Variants in UNC13C observed in about 807,000 individuals in gnomAD.
The protein encoded by UNC13C is protein unc-13 homolog C.
UNC13C carries 174 observed loss-of-function variants against 245.4 expected under a neutral mutation model. That is an observed-to-expected ratio of 0.71 (90% CI 0.63 to 0.80). The LOEUF is 0.80. UNC13C is among the 30% of genes least tolerant of loss of function. The probability of loss-of-function intolerance (pLI) is 0.00; values close to 1 mark genes in which losing one functional copy is unlikely to be tolerated. For missense variants in UNC13C, 2,829 were observed against 2,602.9 expected (o/e 1.09, Z -1.89); for synonymous variants, 992 against 895.1 (o/e 1.11, Z -1.93).
At chr15:54,475,359 A>G (rs932034289) in intron 19 of UNC13C, among the ~76,000 whole-genome samples, 2 of 151,132 alleles carry the variant, frequency 1.3e-5, no homozygotes, top group Admixed American at 6.6e-5. Context: ...CACAATGTGC[A>G]GGTTAGTTAC....
chr15:54,626,841 G>GA lies in UNC13C; in HGVS notation c.6377dup (p.Asn2126LysfsTer7), dbSNP rs1566947687. On this transcript the variant is annotated frameshift_variant, in exon 33 of 33. Transcript: ENST00000260323. LOFTEE classifies it high-confidence loss of function. ...TAATCCACACAGCATTCTCGGAAAG[G>GA]AAAATCGACCAGGGGCTTATGAACT... 1 of 1,611,228 alleles carries GA rather than the reference G, an allele frequency of 6.2e-7. No individual in the cohort carries two copies. The highest frequency in any genetic ancestry group is 1.7e-5 in the Admixed American group (1 of 59,688).
chr15:54,233,268 C>T (rs1334570636), intron 4 of UNC13C, among the ~76,000 whole-genome samples: 1 of 152,022 alleles, frequency 6.6e-6, no homozygotes, highest in East Asian at 1.9e-4. Flanking sequence ...TTTTAAATGT[C>T]ACCTTTCTCC....
At chr15:53,938,349 A>G in the UNC13C span, among the ~76,000 whole-genome samples, 50 of 152,364 alleles carry the variant, frequency 3.3e-4, no homozygotes, top group African/African-American at 1.2e-3. Flanking sequence ...TATGCACCCA[A>G]TACTGGAGCA....
chr15:54,527,026 T>C (rs1895500333), intron 25 of UNC13C, among the ~76,000 whole-genome samples: 1 of 152,184 alleles, frequency 6.6e-6, no homozygotes, highest in Non-Finnish European at 1.5e-5. Context: ...CTTGTCTTCA[T>C]GGAACTCACC....
chr15:54,057,066 A>C (rs1257114546), intron 2 of UNC13C, among the ~76,000 whole-genome samples: 3 of 152,262 alleles, frequency 2.0e-5, no homozygotes, highest in South Asian at 4.1e-4. Flanking sequence ...TGAGCAAAAT[A>C]ACCAGCTAAC....
At chr15:53,862,784 G>A in the UNC13C span, among the ~76,000 whole-genome samples, 4 of 152,016 alleles carry the variant, frequency 2.6e-5, no homozygotes, top group African/African-American at 9.7e-5. Flanking sequence ...AAACCTAATT[G>A]TCTCTCAAAG....
chr15:53,969,508 C>G, the UNC13C span, among the ~76,000 whole-genome samples: 1 of 151,640 alleles, frequency 6.6e-6, no homozygotes, highest in Non-Finnish European at 1.5e-5. Flanking sequence ...TATAGTGAGA[C>G]CCTGTCTCTA....
At chr15:54,028,273 C>A (rs1046223830) in intron 2 of UNC13C, among the ~76,000 whole-genome samples, 6 of 152,246 alleles carry the variant, frequency 3.9e-5, no homozygotes, top group Admixed American at 6.5e-5. Context: ...ACATTCATCA[C>A]CTCAAACTCA....
chr15:54,593,978 G>A (rs1898935839), intron 30 of UNC13C, among the ~76,000 whole-genome samples: 1 of 152,198 alleles, frequency 6.6e-6, no homozygotes, highest in South Asian at 2.1e-4. Context: ...GGAAGGTCTA[G>A]GGCTGAAGGC....
chr15:53,903,627 A>T, the UNC13C span, among the ~76,000 whole-genome samples: 3 of 152,208 alleles, frequency 2.0e-5, no homozygotes, highest in African/African-American at 7.2e-5. Context: ...GTTCACAATG[A>T]TCAGATCAGT....
At position 54,310,442 on chromosome 15, in the gene UNC13C, T is replaced by A. The variant is rs76500313; in HGVS notation, c.4268+10069T>A. On this transcript the variant is annotated intron_variant, in intron 13 of 32. Transcript: ENST00000260323. The stretch of plus-strand genomic sequence containing the variant: ...TCTGTGTCCAGTGCTTTCTTGCTAT[T>A]TTTCCTAACCCCTGGCTGCAATAGA... 4.1e-3 allele frequency among the ~76,000 whole-genome samples: 626 copies of A among 151,938 alleles called. 8 individuals carry two copies. Among genetic ancestry groups the A allele is most frequent in the African/African-American group, 0.014 (597 of 41,506 alleles).
the UNC13C span, among the ~76,000 whole-genome samples, chr15:53,909,628 C>A: frequency 6.8e-6 from 1 of 146,526 alleles, no homozygotes; most frequent in East Asian, 2.0e-4. Flanking sequence ...TGCCTGTAGT[C>A]CCAGCTACTC....
chr15:54,239,537 A>G (rs2035795954), intron 7 of UNC13C, among the ~76,000 whole-genome samples: 2 of 152,192 alleles, frequency 1.3e-5, no homozygotes, highest in African/African-American at 4.8e-5. Flanking sequence ...TGCAGCCTCA[A>G]CCTTCAGAGC....
At chr15:54,322,813 A>G (rs1056056910) in intron 14 of UNC13C, among the ~76,000 whole-genome samples, 3 of 151,954 alleles carry the variant, frequency 2.0e-5, no homozygotes, top group African/African-American at 7.2e-5. Context: ...AAATGAGTGG[A>G]GATGGAGAAG....
At chr15:54,387,196 T>C (rs553181077) in intron 17 of UNC13C, among the ~76,000 whole-genome samples, 1 of 152,220 alleles carries the variant, frequency 6.6e-6, no homozygotes, top group African/African-American at 2.4e-5. Context: ...TACAGGAAAA[T>C]GCCTGCTCCG....
At chr15:54,413,821 C>T (rs984528921) in intron 18 of UNC13C, among the ~76,000 whole-genome samples, 9 of 151,846 alleles carry the variant, frequency 5.9e-5, no homozygotes, top group East Asian at 1.9e-4. Flanking sequence ...TTTTTTTATT[C>T]GAACCCCCAA....
At chr15:54,241,464 C>G (rs1467493334) in intron 7 of UNC13C, among the ~76,000 whole-genome samples, 1 of 152,176 alleles carries the variant, frequency 6.6e-6, no homozygotes, top group Admixed American at 6.5e-5. Context: ...CTTCAGACCC[C>G]TGCTCAGGAA....
chr15:54,070,108 A>C (rs1898250905), intron 2 of UNC13C, among the ~76,000 whole-genome samples: 1 of 152,140 alleles, frequency 6.6e-6, no homozygotes, highest in African/African-American at 2.4e-5. Context: ...TACTGGGGCG[A>C]TTTTACCACA....
the UNC13C span, among the ~76,000 whole-genome samples, chr15:53,880,946 G>C: frequency 6.6e-6 from 1 of 152,068 alleles, no homozygotes; most frequent in African/African-American, 2.4e-5. Flanking sequence ...AAGAAGCATA[G>C]CAAGAGAGAA....
Sources: gnomAD v4.1 joint callset for allele counts (sites outside exome capture counted in the v4.1 genomes callset) on GRCh38, gnomAD v4.1.1 for gene constraint, MANE v1.5 for transcripts, NCBI Gene and HGNC (gene_info 2026-07-23, HGNC 2026-07-21) for gene names.